The following TANC2 variants were observed in gnomAD, a reference collection of about 807,000 sequenced individuals.
TANC2 encodes tetratricopeptide repeat, ankyrin repeat and coiled-coil containing 2, also known as protein TANC2.
A neutral mutation model predicts 210.5 loss-of-function variants in TANC2; 26 were observed. That is an observed-to-expected ratio of 0.12 (90% CI 0.09 to 0.17). TANC2 has a LOEUF of 0.17. Ranked by LOEUF, TANC2 falls within the 10% of genes least tolerant of loss-of-function variation. The pLI is 1.00. For synonymous variants in TANC2, 931 were observed against 967.1 expected, an observed-to-expected ratio of 0.96 and a Z score of 0.69; for missense variants, 2,129 against 2,608.9, an observed-to-expected ratio of 0.82 and a Z score of 4.01.
At chr17:63,235,642 G>A (rs1194134739) in intron 7 of TANC2, among the ~76,000 whole-genome samples, 4 of 151,686 alleles carry the variant, frequency 2.6e-5, no homozygotes, top group Admixed American at 2.0e-4. Flanking sequence ...TCTTCTTCCC[G>A]TGTTATTAGA....
intron 6 of TANC2, among the ~76,000 whole-genome samples, chr17:63,200,559 G>C (rs894493759): frequency 1.3e-5 from 2 of 151,926 alleles, no homozygotes; most frequent in African/African-American, 4.8e-5. Context: ...AGAAAAACTG[G>C]CAACAGTCTC....
chr17:62,999,776 C>T (rs1054963964), intron 1 of TANC2, among the ~76,000 whole-genome samples: 14 of 152,266 alleles, frequency 9.2e-5, no homozygotes, highest in African/African-American at 2.9e-4. Flanking sequence ...CTACCAAAAA[C>T]GCATGTGCTT....
intron 2 of TANC2, among the ~76,000 whole-genome samples, chr17:63,037,879 T>C (rs2035035338): frequency 6.6e-6 from 1 of 152,226 alleles, no homozygotes; most frequent in Admixed American, 6.5e-5. Flanking sequence ...TTTGCTAAAC[T>C]AACTTATTAG....
intron 2 of TANC2, among the ~76,000 whole-genome samples, chr17:63,037,651 G>C (rs1158291652): frequency 6.6e-6 from 1 of 151,614 alleles, no homozygotes; most frequent in Admixed American, 6.6e-5. Flanking sequence ...CTGTCTCTAC[G>C]AAAAATACAA....
At chr17:63,365,491 A>G (rs1022435466) in intron 14 of TANC2, among the ~76,000 whole-genome samples, 2 of 152,164 alleles carry the variant, frequency 1.3e-5, no homozygotes, top group Non-Finnish European at 2.9e-5. Context: ...AGCCAGAGCA[A>G]TCTTATAAAA....
intron 10 of TANC2, 84 bp from the exon 11 acceptor site, chr17:63,318,873 A>T (rs62074980): frequency 0.016 from 24,305 of 1,483,802 alleles, 260 homozygotes; most frequent in South Asian, 0.032. Context: ...GAATTGTTAG[A>T]TCATAGAACA....
At chr17:62,984,504 G>A (rs995632145) in intron 1 of TANC2, among the ~76,000 whole-genome samples, 3 of 151,482 alleles carry the variant, frequency 2.0e-5, no homozygotes, top group African/African-American at 7.3e-5. Flanking sequence ...TTAATTTTGG[G>A]TTCGGCTTGT....
At chr17:63,395,560 G>T (rs986557191) in intron 17 of TANC2, among the ~76,000 whole-genome samples, 183 bp from the exon 18 acceptor site, 3 of 152,184 alleles carry the variant, frequency 2.0e-5, no homozygotes, top group African/African-American at 7.2e-5. Context: ...GGGACATTTA[G>T]CATAGTTGTA....
chr17:63,067,285 C>G (rs1010175028), intron 2 of TANC2, among the ~76,000 whole-genome samples: 1 of 152,034 alleles, frequency 6.6e-6, no homozygotes, highest in African/African-American at 2.4e-5. Flanking sequence ...CAAGAGATGA[C>G]CAAGATATTG....
intron 19 of TANC2, among the ~76,000 whole-genome samples, chr17:63,399,819 G>C (rs759775231): frequency 1.3e-5 from 2 of 152,142 alleles, no homozygotes; most frequent in South Asian, 4.1e-4. Context: ...ATTTCTTCTC[G>C]TGACAAAGTC....
At chr17:63,001,472 G>A (rs2033376843) in intron 1 of TANC2, among the ~76,000 whole-genome samples, 2 of 150,814 alleles carry the variant, frequency 1.3e-5, no homozygotes, top group Admixed American at 1.3e-4. Flanking sequence ...CATGAACTAG[G>A]TGTTGTGGTT....
At chr17:63,295,467 C>T (rs560543734) in intron 9 of TANC2, among the ~76,000 whole-genome samples, 1 of 152,238 alleles carries the variant, frequency 6.6e-6, no homozygotes, top group Non-Finnish European at 1.5e-5. Context: ...TCATGAAAGC[C>T]TCCTTTGAAA....
Position 63,288,106 on chromosome 17 carries a change from T to TA in TANC2, c.1159+20234dup, listed in dbSNP as rs751279356. 3.9e-5 allele frequency among the ~76,000 whole-genome samples: 6 copies of TA among 152,222 alleles called. No homozygotes were observed. The East Asian group carries it at 5.8e-4, about 15-fold the overall frequency. On this transcript the variant is annotated intron_variant, in intron 9 of 27. Transcript: ENST00000689528. The stretch of plus-strand genomic sequence containing the variant: ...CTCAGCCTTGGATAGTTTCCTCACA[T>TA]ACACATGCCAGTGAGTACTCCATTG...
At chr17:63,102,314 TA>T (rs913774200) in intron 4 of TANC2, among the ~76,000 whole-genome samples, 2 of 149,508 alleles carry the variant, frequency 1.3e-5, no homozygotes, top group Admixed American at 6.7e-5. Context: ...ACCCTGCCAC[TA>T]AAAAAAATAA....
chr17:63,169,771 G>C (rs147938622), intron 5 of TANC2, among the ~76,000 whole-genome samples: 1 of 151,662 alleles, frequency 6.6e-6, no homozygotes, highest in Non-Finnish European at 1.5e-5. Context: ...TCAAGATCCC[G>C]CTATTGCACT....
chr17:63,343,565 T>C (rs1298337675), intron 12 of TANC2, among the ~76,000 whole-genome samples: 1 of 152,218 alleles, frequency 6.6e-6, no homozygotes, highest in East Asian at 1.9e-4. Flanking sequence ...CTATAAAAGC[T>C]GCATAACCAT....
intron 2 of TANC2, among the ~76,000 whole-genome samples, chr17:63,040,083 T>A (rs1272718283): frequency 6.6e-6 from 1 of 152,174 alleles, no homozygotes; most frequent in Non-Finnish European, 1.5e-5. Context: ...TAGCGCACTC[T>A]GTGGTGAGAT....
At chr17:62,967,536 ACT>A (rs1308785317) in intron 1 of TANC2, 2 of 152,026 alleles carry the variant, frequency 1.3e-5, no homozygotes, top group Non-Finnish European at 2.9e-5. Context: ...GGTGTCTTTC[ACT>A]CTCTTCTCTG....
chr17:63,242,753 A>G (rs1301607953), intron 8 of TANC2, among the ~76,000 whole-genome samples: 2 of 152,202 alleles, frequency 1.3e-5, no homozygotes, highest in African/African-American at 2.4e-5. Flanking sequence ...TCAACAGGTG[A>G]ATGGATAAAC....
Sources: gnomAD v4.1 joint callset for allele counts (sites outside exome capture counted in the v4.1 genomes callset) on GRCh38, gnomAD v4.1.1 for gene constraint, MANE v1.5 for transcripts, NCBI Gene and HGNC (gene_info 2026-07-23, HGNC 2026-07-21) for gene names.